RANBP2: variants seen among roughly 807,000 people sequenced by gnomAD.
RANBP2 encodes E3 SUMO-protein ligase RanBP2.
RANBP2 carries 57 observed loss-of-function variants against 303.6 expected under a neutral mutation model. The ratio of observed to expected loss-of-function variants is 0.19; its 90% CI spans 0.15 to 0.23. The LOEUF is 0.23. RANBP2 is among the 10% of genes least tolerant of loss of function. The pLI is 1.00. For missense variants in RANBP2, 3,138 were observed against 3,780.8 expected (o/e 0.83, Z 4.46); for synonymous variants, 1,167 against 1,301.5 (o/e 0.90, Z 2.23).
At chr2:109,114,469 G>C in the RANBP2 span, among the ~76,000 whole-genome samples, 1 of 151,862 alleles carries the variant, frequency 6.6e-6, no homozygotes, top group African/African-American at 2.4e-5. Flanking sequence ...CTGTGGGATC[G>C]GTGGTGATAT....
At chr2:109,143,642 T>C in the RANBP2 span, among the ~76,000 whole-genome samples, 2 of 151,994 alleles carry the variant, frequency 1.3e-5, no homozygotes. Context: ...TAGTCCTAGA[T>C]ACATAAGAGG....
chr2:109,429,451 A>T, the RANBP2 span, among the ~76,000 whole-genome samples: 1 of 152,312 alleles, frequency 6.6e-6, no homozygotes, highest in African/African-American at 2.4e-5. Flanking sequence ...AACAGAACGA[A>T]CTTAAAATTT....
chr2:108,853,528 C>CT, the RANBP2 span, among the ~76,000 whole-genome samples: 5,855 of 139,078 alleles, frequency 0.042, 312 homozygotes, highest in African/African-American at 0.11. Flanking sequence ...TGATAGCTTT[C>CT]TTTTTTTTTT....
chr2:109,298,542 CTT>C, the RANBP2 span, among the ~76,000 whole-genome samples: 1 of 152,112 alleles, frequency 6.6e-6, no homozygotes, highest in African/African-American at 2.4e-5. Context: ...CTGACCTTGA[CTT>C]TGGCCAACTG....
the RANBP2 span, among the ~76,000 whole-genome samples, chr2:109,437,731 AC>A: frequency 1.3e-5 from 2 of 151,220 alleles, no homozygotes; most frequent in African/African-American, 4.9e-5. Context: ...CTTAAGGAAA[AC>A]CGGTTTGGCC....
the RANBP2 span, among the ~76,000 whole-genome samples, chr2:109,237,714 T>G: frequency 6.6e-6 from 1 of 152,230 alleles, no homozygotes; most frequent in South Asian, 2.1e-4. Flanking sequence ...TGGACACTCC[T>G]ACTTTTAAAT....
At chr2:108,770,757 C>G (rs919361276) in intron 20 of RANBP2, among the ~76,000 whole-genome samples, 4 of 152,158 alleles carry the variant, frequency 2.6e-5, no homozygotes, top group African/African-American at 9.7e-5. Flanking sequence ...ATCATTTTAA[C>G]TTCTAATTAA....
the RANBP2 span, among the ~76,000 whole-genome samples, chr2:109,689,511 G>A: frequency 6.6e-6 from 1 of 152,148 alleles, no homozygotes. Context: ...GGGTCAGCAG[G>A]CATAGAAGAG....
the RANBP2 span, among the ~76,000 whole-genome samples, chr2:109,217,408 T>G: frequency 1.3e-5 from 2 of 152,258 alleles, no homozygotes; most frequent in African/African-American, 4.8e-5. Flanking sequence ...CACCCTGATC[T>G]TGACCTTAGT....
the RANBP2 span, among the ~76,000 whole-genome samples, chr2:109,743,135 G>A: frequency 2.0e-5 from 3 of 147,756 alleles, 1 homozygote; most frequent in Non-Finnish European, 3.0e-5. Flanking sequence ...GCTGAGTGTG[G>A]TGGCTAGTGC....
At chr2:109,567,403 A>G in the RANBP2 span, among the ~76,000 whole-genome samples, 1 of 152,196 alleles carries the variant, frequency 6.6e-6, no homozygotes, top group African/African-American at 2.4e-5. Flanking sequence ...TATGAGAGAG[A>G]AGGAGCATAA....
the RANBP2 span, among the ~76,000 whole-genome samples, chr2:109,725,131 C>A: frequency 2.0e-5 from 3 of 152,186 alleles, no homozygotes; most frequent in African/African-American, 2.4e-5. Context: ...CAGAACAGAC[C>A]AAAGCCCCTG....
the RANBP2 span, among the ~76,000 whole-genome samples, chr2:109,230,505 A>G: frequency 0.013 from 1,939 of 152,212 alleles, 20 homozygotes; most frequent in South Asian, 0.024. Flanking sequence ...GCTTGAACCT[A>G]GTAGGTAGAG....
At chr2:109,315,093 C>T in the RANBP2 span, among the ~76,000 whole-genome samples, 1 of 152,248 alleles carries the variant, frequency 6.6e-6, no homozygotes, top group South Asian at 2.1e-4. Flanking sequence ...GAAAGTTCCA[C>T]TGGACAGCAC....
the RANBP2 span, among the ~76,000 whole-genome samples, chr2:108,806,440 T>C: frequency 6.6e-6 from 1 of 152,224 alleles, no homozygotes; most frequent in Non-Finnish European, 1.5e-5. Flanking sequence ...TATGAGCTAA[T>C]GTGTACAAAC....
chr2:109,471,179 C>CT, the RANBP2 span, among the ~76,000 whole-genome samples: 1 of 142,664 alleles, frequency 7.0e-6, no homozygotes, highest in Non-Finnish European at 1.5e-5. Context: ...TGCCATTGCA[C>CT]TCCAGCCTGG....
At chr2:109,551,878 T>C in the RANBP2 span, among the ~76,000 whole-genome samples, 34 of 152,212 alleles carry the variant, frequency 2.2e-4, no homozygotes, top group Non-Finnish European at 4.3e-4. Flanking sequence ...CAAACAAAAC[T>C]ACAGAAGTTC....
the RANBP2 span, among the ~76,000 whole-genome samples, chr2:109,315,359 A>G: frequency 1.3e-4 from 20 of 152,214 alleles, no homozygotes; most frequent in Admixed American, 1.3e-3. Flanking sequence ...TGCTTTGTTC[A>G]TTGAGTCTTG....
intron 18 of RANBP2, among the ~76,000 whole-genome samples, chr2:108,760,893 T>A: frequency 6.6e-6 from 1 of 152,192 alleles, no homozygotes; most frequent in East Asian, 1.9e-4. Flanking sequence ...ATTCTCATAA[T>A]AGCTTCAGTT....
Sources: gnomAD v4.1 joint callset for allele counts (sites outside exome capture counted in the v4.1 genomes callset) on GRCh38, gnomAD v4.1.1 for gene constraint, MANE v1.5 for transcripts, NCBI Gene and HGNC (gene_info 2026-07-23, HGNC 2026-07-21) for gene names.